Variants in NALF1 observed in about 807,000 individuals in gnomAD.
NALF1 encodes NALCN channel auxiliary factor 1.
NALF1 carries 3 observed loss-of-function variants against 48.4 expected under a neutral mutation model. The ratio of observed to expected loss-of-function variants is 0.06; its 90% CI spans 0.03 to 0.16. The LOEUF (loss-of-function observed/expected upper bound fraction) is 0.16. NALF1 is among the 10% of genes least tolerant of loss of function. The pLI is 1.00. For synonymous variants in NALF1, 262 were observed against 245.7 expected (o/e 1.07, Z -0.62); for missense variants, 526 against 571.5 (o/e 0.92, Z 0.81).
chr13:107,650,394 T>A (rs866720072), intron 1 of NALF1, among the ~76,000 whole-genome samples: 15 of 107,668 alleles, frequency 1.4e-4, no homozygotes, highest in Middle Eastern at 6.7e-3. Context: ...CTGCAACCAT[T>A]AAAAAAAAAA....
At chr13:107,244,517 T>C (rs142952748) in intron 1 of NALF1, among the ~76,000 whole-genome samples, 1 of 152,388 alleles carries the variant, frequency 6.6e-6, no homozygotes, top group African/African-American at 2.4e-5. Flanking sequence ...TAGATGTGTC[T>C]ATTTTTCTGA....
At chr13:107,366,566 C>T (rs1422361034) in intron 1 of NALF1, among the ~76,000 whole-genome samples, 3 of 152,198 alleles carry the variant, frequency 2.0e-5, no homozygotes, top group African/African-American at 7.2e-5. Context: ...TTATTCCTTC[C>T]ATGACACACT....
rs748293538 is a variant in NALF1, at chr13:107,170,646, T to C, written c.1228A>G (p.Thr410Ala). ...TTGAGTCTGCTGTTGCACAGTCTTGTTGCTGATGACACTGTGAGCGATGTC... is the reference window on the plus strand; with the variant it reads ...TTGAGTCTGCTGTTGCACAGTCTTGCTGCTGATGACACTGTGAGCGATGTC... ...HRTSLTVSSA[T>A]RLCNSRLKLC... Residue 410 changes from threonine (T) to alanine (A), a missense_variant, in exon 3 of 3, where the codon ACA (threonine) becomes GCA (alanine). By Grantham distance (58) the Thr-to-Ala change is moderately conservative. This residue lies in a region of NALF1 where 153 missense variants were observed against 215.9 expected (regional missense o/e 0.71). Transcript: ENST00000375915. 3 of 1,614,220 alleles carry C rather than the reference T, an allele frequency of 1.9e-6. No homozygotes were observed. Among genetic ancestry groups the C allele is most frequent in the East Asian group, 4.5e-5 (2 of 44,878 alleles).
intron 1 of NALF1, among the ~76,000 whole-genome samples, chr13:107,341,034 A>G (rs1416985998): frequency 1.3e-5 from 2 of 151,984 alleles, no homozygotes; most frequent in Non-Finnish European, 2.9e-5. Context: ...ATCTCCTAGT[A>G]TCACCCCCCA....
intron 1 of NALF1, among the ~76,000 whole-genome samples, chr13:107,395,649 G>T (rs537797805): frequency 8.0e-4 from 122 of 152,228 alleles, no homozygotes; most frequent in African/African-American, 2.9e-3. Context: ...CCATAACAAA[G>T]GATGACAGAC....
rs1594123940 is a variant in NALF1, at chr13:107,331,876, A to G, written c.916-121121T>C. On this transcript the variant is annotated intron_variant, in intron 1 of 2. Coordinates refer to ENST00000375915, the MANE Select transcript of NALF1 (RefSeq NM_001080396.3). ...ACATTATAATTTTATATATCCTAAA[A>G]TATTAATTATTAGATGCTGAAGAGG... is the stretch of plus-strand genomic sequence containing the variant. Among the ~76,000 whole-genome samples, 3 of 152,284 alleles carry G rather than the reference A, an allele frequency of 2.0e-5. No individual in the cohort carries two copies. In the East Asian group the frequency reaches 5.8e-4, roughly 29 times the overall value.
chr13:107,385,113 T>C (rs1883505425), intron 1 of NALF1, among the ~76,000 whole-genome samples: 1 of 152,248 alleles, frequency 6.6e-6, no homozygotes. Context: ...TGTTAGCTAT[T>C]ATTCCTATCA....
At chr13:107,518,947 A>C (rs985551980) in intron 1 of NALF1, among the ~76,000 whole-genome samples, 11 of 152,204 alleles carry the variant, frequency 7.2e-5, no homozygotes, top group Admixed American at 1.3e-4. Flanking sequence ...CCTGTGGGAA[A>C]GCAAATTGGA....
chr13:107,757,159 T>C (rs938013516), intron 1 of NALF1, among the ~76,000 whole-genome samples: 5 of 152,158 alleles, frequency 3.3e-5, no homozygotes, highest in Non-Finnish European at 7.3e-5. Flanking sequence ...ATTGAGGTAG[T>C]ATGTACTGAT....
intron 1 of NALF1, among the ~76,000 whole-genome samples, chr13:107,813,008 A>C (rs1879045070): frequency 6.6e-6 from 1 of 152,092 alleles, no homozygotes; most frequent in Non-Finnish European, 1.5e-5. Context: ...TACCTGCCTC[A>C]GCCTCCCAAA....
chr13:107,356,713 T>G (rs1323765315), intron 1 of NALF1, among the ~76,000 whole-genome samples: 2 of 152,192 alleles, frequency 1.3e-5, no homozygotes, highest in Non-Finnish European at 2.9e-5. Flanking sequence ...GATTAGTAGT[T>G]TTTTGAAGTT....
At chr13:107,832,241 TATA>T (rs1221045731) in intron 1 of NALF1, among the ~76,000 whole-genome samples, 3 of 151,774 alleles carry the variant, frequency 2.0e-5, no homozygotes, top group Non-Finnish European at 2.9e-5. Flanking sequence ...TTATCATTAA[TATA>T]ATATTTATTA....
chr13:107,446,405 TCACACACACACA>T (rs34962012), intron 1 of NALF1, among the ~76,000 whole-genome samples: 1 of 145,990 alleles, frequency 6.8e-6, no homozygotes, highest in Non-Finnish European at 1.5e-5. Context: ...ATAATTAAAT[TCACACACACACA>T]CACACACACA....
chr13:107,319,895 C>T (rs540553690), intron 1 of NALF1, among the ~76,000 whole-genome samples: 3 of 152,200 alleles, frequency 2.0e-5, no homozygotes, highest in African/African-American at 7.2e-5. Context: ...AGAGCCACCA[C>T]TAATCTAACG....
intron 1 of NALF1, among the ~76,000 whole-genome samples, chr13:107,668,941 T>A (rs780749440): frequency 6.6e-6 from 1 of 151,912 alleles, no homozygotes; most frequent in African/African-American, 2.4e-5. Flanking sequence ...TTTCAACACA[T>A]CTTAAAAAAA....
At chr13:107,799,150 G>A (rs1249673528) in intron 1 of NALF1, among the ~76,000 whole-genome samples, 2 of 152,144 alleles carry the variant, frequency 1.3e-5, no homozygotes, top group Admixed American at 6.5e-5. Flanking sequence ...ACACACAGTA[G>A]ATCAAGGGAA....
intron 1 of NALF1, among the ~76,000 whole-genome samples, chr13:107,541,595 C>G (rs1333839514): frequency 6.6e-6 from 1 of 152,038 alleles, no homozygotes; most frequent in Admixed American, 6.6e-5. Flanking sequence ...ATGCATATAG[C>G]TTTATATATG....
In NALF1 at chr13:107,333,098, G is replaced by A. The variant is rs535138148; in HGVS notation, c.916-122343C>T. ...TGACCTCAAGTGATCTGCCCGCCTC[G>A]GCCTCCCAAAGTGCTGGGATTACAG... On this transcript the variant is annotated intron_variant, in intron 1 of 2. Transcript: ENST00000375915. 3.3e-5 allele frequency among the ~76,000 whole-genome samples: 5 copies of A among 152,090 alleles called. No individual in the cohort carries two copies. In the East Asian group the frequency reaches 9.7e-4, roughly 29 times the overall value.
Position 107,216,862 on chromosome 13 carries a change from C to T in NALF1, c.916-6107G>A, listed in dbSNP as rs191136719. ...TCAGGGTATGGCACCACGGAGCTGCCCAGACATATGATTGTACAGAAGGTG... is the reference window on the plus strand; with the variant it reads ...TCAGGGTATGGCACCACGGAGCTGCTCAGACATATGATTGTACAGAAGGTG... On this transcript the variant is annotated intron_variant, in intron 1 of 2. Transcript: ENST00000375915. Among the ~76,000 whole-genome samples, 48 of 152,234 alleles carry T rather than the reference C, an allele frequency of 3.2e-4. No homozygotes were observed. In the East Asian group the frequency reaches 9.1e-3, roughly 29 times the overall value.
Sources: gnomAD v4.1 joint callset for allele counts (sites outside exome capture counted in the v4.1 genomes callset) on GRCh38, gnomAD v4.1.1 for gene constraint, gnomAD v4.1.1 regional missense constraint, MANE v1.5 for transcripts, NCBI Gene and HGNC (gene_info 2026-07-23, HGNC 2026-07-21) for gene names.